Variants in MTMR8 observed in about 807,000 individuals in gnomAD.
The protein encoded by MTMR8 is myotubularin related protein 8, also known as phosphatidylinositol-3,5-bisphosphate 3-phosphatase MTMR8.
In MTMR8, 65 loss-of-function variants were observed where a neutral mutation model predicts 39.3. That is an observed-to-expected ratio of 1.65 (90% CI 1.35 to 2.03). The LOEUF is 2.03. Among genes scored for constraint, MTMR8 ranks in the 30% most tolerant of loss-of-function variants. The pLI is 0.00. For missense variants in MTMR8, 777 were observed against 538.9 expected, an observed-to-expected ratio of 1.44 and a Z score of -4.37; for synonymous variants, 245 against 185.2, an observed-to-expected ratio of 1.32 and a Z score of -2.62.
At chrX:64,305,797 G>T (rs1157956415) in intron 12 of MTMR8, 3 of 357,443 alleles carry the variant, frequency 8.4e-6, no homozygotes, top group Admixed American at 3.3e-5. Flanking sequence ...ATTGGTGGTG[G>T]TGGCTCTTTG....
chrX:64,288,530 A>T (rs1002170099), intron 12 of MTMR8, among the ~76,000 whole-genome samples: 1 of 111,898 alleles, frequency 8.9e-6, no homozygotes, highest in Non-Finnish European at 1.9e-5. Context: ...ATATACCCAA[A>T]GGAATATAAA....
chrX:64,301,889 G>T (rs1484631518), intron 12 of MTMR8, among the ~76,000 whole-genome samples: 1 of 111,831 alleles, frequency 8.9e-6, no homozygotes, highest in Non-Finnish European at 1.9e-5. Context: ...GGGGTCAGGG[G>T]TCAGGGACCC....
chrX:64,305,956 A>T (rs1922098717), intron 12 of MTMR8: 6 of 198,779 alleles, frequency 3.0e-5, no homozygotes. Context: ...CTCTACAAAC[A>T]ATTTAAACAT....
intron 12 of MTMR8, among the ~76,000 whole-genome samples, chrX:64,273,970 T>G (rs1003567921): frequency 1.8e-5 from 2 of 111,619 alleles, no homozygotes; most frequent in Non-Finnish European, 3.8e-5. Flanking sequence ...CAAACACTGA[T>G]GGAACTGAAG....
chrX:64,393,144 C>G (rs777888776), intron 1 of MTMR8, among the ~76,000 whole-genome samples: 1 of 111,947 alleles, frequency 8.9e-6, no homozygotes, highest in Non-Finnish European at 1.9e-5. Context: ...TTTTCTTGAG[C>G]ACGAACCCTA....
intron 1 of MTMR8, among the ~76,000 whole-genome samples, chrX:64,386,993 G>A (rs939761706): frequency 9.0e-6 from 1 of 111,607 alleles, no homozygotes; most frequent in Non-Finnish European, 1.9e-5. Flanking sequence ...AGTTGAGGCT[G>A]CAGTGAGCCA....
chrX:64,374,835 G>C (rs1382677271), intron 1 of MTMR8, among the ~76,000 whole-genome samples: 1 of 109,995 alleles, frequency 9.1e-6, no homozygotes, highest in East Asian at 2.9e-4. Context: ...ACAGAGAGGA[G>C]ACGGCACACA....
intron 1 of MTMR8, among the ~76,000 whole-genome samples, chrX:64,374,026 A>G (rs1299726762): frequency 8.9e-6 from 1 of 112,263 alleles, no homozygotes; most frequent in African/African-American, 3.2e-5. Context: ...GATTTAATTC[A>G]GTAATTCTTT....
At chrX:64,316,694 T>A (rs193104908) in intron 12 of MTMR8, among the ~76,000 whole-genome samples, 6 of 111,451 alleles carry the variant, frequency 5.4e-5, no homozygotes, top group East Asian at 5.6e-4. Context: ...ATTGATATAT[T>A]TTTTTTGGCA....
intron 1 of MTMR8, among the ~76,000 whole-genome samples, chrX:64,371,281 A>T (rs1924125737): frequency 8.9e-6 from 1 of 112,612 alleles, no homozygotes; most frequent in East Asian, 2.8e-4. Flanking sequence ...GAACATGAAC[A>T]GATAATTCAC....
intron 12 of MTMR8, among the ~76,000 whole-genome samples, chrX:64,297,679 T>C (rs1257067207): frequency 9.9e-6 from 1 of 101,309 alleles, no homozygotes; most frequent in Non-Finnish European, 2.0e-5. Flanking sequence ...TGAATGGTAA[T>C]GCCTAGGTTT....
chrX:64,362,471 GAAAAA>G (rs760545171), intron 1 of MTMR8, among the ~76,000 whole-genome samples: 8 of 5,495 alleles, frequency 1.5e-3, no homozygotes, highest in African/African-American at 4.0e-3. Flanking sequence ...TACTATTGCA[GAAAAA>G]AAAAAAAAAA....
At chrX:64,300,384 C>G (rs1233871631) in intron 12 of MTMR8, among the ~76,000 whole-genome samples, 6 of 111,508 alleles carry the variant, frequency 5.4e-5, no homozygotes, top group Middle Eastern at 4.6e-3. Context: ...TTTTATCAGA[C>G]ACTAGCATTG....
At chrX:64,391,450 C>T (rs1281731317) in intron 1 of MTMR8, among the ~76,000 whole-genome samples, 3 of 111,938 alleles carry the variant, frequency 2.7e-5, no homozygotes, top group Non-Finnish European at 5.6e-5. Context: ...TTCTCCCTGC[C>T]TGTCAGGCTG....
At chrX:64,370,982 G>A (rs1053385306) in intron 1 of MTMR8, among the ~76,000 whole-genome samples, 1 of 111,163 alleles carries the variant, frequency 9.0e-6, no homozygotes, top group Non-Finnish European at 1.9e-5. Flanking sequence ...GCAAGAACTC[G>A]TCTCTACAAA....
chrX:64,307,734 A>C (rs956770325), intron 12 of MTMR8, among the ~76,000 whole-genome samples: 9 of 112,059 alleles, frequency 8.0e-5, no homozygotes, highest in Non-Finnish European at 3.8e-5. Flanking sequence ...TCCAAAAAAA[A>C]TCTGCCTGCG....
chrX:64,339,026 C>T (rs1297287899), intron 8 of MTMR8, among the ~76,000 whole-genome samples: 3 of 110,491 alleles, frequency 2.7e-5, no homozygotes, highest in Admixed American at 9.6e-5. Flanking sequence ...TGAGGTAGTT[C>T]GGGAACATCT....
intron 1 of MTMR8, among the ~76,000 whole-genome samples, chrX:64,386,008 C>T (rs1383790427): frequency 1.8e-5 from 2 of 110,718 alleles, no homozygotes; most frequent in Non-Finnish European, 3.8e-5. Flanking sequence ...CATACAGATC[C>T]CCAAACGGAC....
chrX:64,308,045 G>A (rs1035188304), intron 12 of MTMR8, among the ~76,000 whole-genome samples: 13 of 111,364 alleles, frequency 1.2e-4, no homozygotes, highest in South Asian at 3.7e-4. Flanking sequence ...CTATGATTGC[G>A]TTGAAGTCAC....
Sources: allele counts gnomAD v4.1 joint callset (sites outside exome capture counted in the v4.1 genomes callset), GRCh38; gene constraint gnomAD v4.1.1; transcripts MANE v1.5; gene names NCBI Gene and HGNC (gene_info 2026-07-23, HGNC 2026-07-21).